The following MEOX2 variants were observed in gnomAD, a reference collection of about 807,000 sequenced individuals.
MEOX2 encodes the protein mesenchyme homeobox 2.
A neutral mutation model predicts 27.0 loss-of-function variants in MEOX2; 11 were observed. The observed-to-expected ratio is 0.41, with a 90% CI of 0.26 to 0.68. The LOEUF (loss-of-function observed/expected upper bound fraction) is 0.68. MEOX2 is among the 30% of genes least tolerant of loss of function. The pLI is 0.33. For synonymous variants in MEOX2, 189 were observed against 155.4 expected (o/e 1.22, Z -1.61); for missense variants, 436 against 385.4 (o/e 1.13, Z -1.10).
Position 15,662,131 on chromosome 7 carries a change from G to A in MEOX2, c.517+23755C>T, listed in dbSNP as rs1365075239. Among the ~76,000 whole-genome samples, 7 of 131,318 alleles carry A rather than the reference G, an allele frequency of 5.3e-5. No homozygotes were observed. The Admixed American group carries it at 6.5e-4, about 12-fold the overall frequency. 86.1% of individuals were successfully genotyped at this position (131,318 alleles called of 152,430 possible). On this transcript the variant is annotated intron_variant, in intron 1 of 2. Coordinates refer to ENST00000262041, the MANE Select transcript of MEOX2 (RefSeq NM_005924.5). ...TACTGGTGTTGACTAGGAAAATCTC[G>A]AACAGAAAATTAGCACTACTACTGC...
At chr7:15,682,748 C>T (rs1782313459) in intron 1 of MEOX2, among the ~76,000 whole-genome samples, 1 of 151,798 alleles carries the variant, frequency 6.6e-6, no homozygotes, top group Non-Finnish European at 1.5e-5. Flanking sequence ...CCAAGCAATT[C>T]ACACTATTTA....
At chr7:15,631,932 G>GTGTGTGTGTGTGTGT (rs371386224) in intron 1 of MEOX2, among the ~76,000 whole-genome samples, 13 of 149,940 alleles carry the variant, frequency 8.7e-5, no homozygotes, top group South Asian at 2.1e-4. Flanking sequence ...GTGTGTGTGT[G>GTGTGTGTGTGTGTGT]GAGAGAAAGA....
chr7:15,663,736 T>C (rs933610938), intron 1 of MEOX2, among the ~76,000 whole-genome samples: 42 of 152,100 alleles, frequency 2.8e-4, no homozygotes, highest in African/African-American at 9.4e-4. Context: ...CTATTATAAA[T>C]TAAATTAAAC....
At chr7:15,615,505 A>T (rs1159413973) in intron 2 of MEOX2, among the ~76,000 whole-genome samples, 3 of 152,036 alleles carry the variant, frequency 2.0e-5, no homozygotes, top group Non-Finnish European at 4.4e-5. Context: ...CACTTGATAT[A>T]ATTAGGTTTG....
chr7:15,623,509 A>G (rs868145699), intron 2 of MEOX2, among the ~76,000 whole-genome samples: 3 of 152,100 alleles, frequency 2.0e-5, no homozygotes, highest in Non-Finnish European at 4.4e-5. Flanking sequence ...ACCTAGGATT[A>G]TAGGTGCCTG....
chr7:15,646,525 A>G (rs1026640931), intron 1 of MEOX2, among the ~76,000 whole-genome samples: 1 of 151,936 alleles, frequency 6.6e-6, no homozygotes, highest in East Asian at 1.9e-4. Flanking sequence ...TGATATTAAA[A>G]CTCTGGGTTA....
intron 1 of MEOX2, among the ~76,000 whole-genome samples, chr7:15,628,134 A>T (rs914865027): frequency 1.3e-5 from 2 of 152,070 alleles, no homozygotes; most frequent in African/African-American, 4.8e-5. Flanking sequence ...TGGCTTATGC[A>T]GGATCTTTTT....
intron 1 of MEOX2, among the ~76,000 whole-genome samples, chr7:15,664,157 C>T (rs917494838): frequency 6.6e-6 from 1 of 152,162 alleles, no homozygotes; most frequent in Admixed American, 6.5e-5. Flanking sequence ...GAGGGATTTA[C>T]TCTGCTATTG....
intron 1 of MEOX2, among the ~76,000 whole-genome samples, chr7:15,685,365 A>C (rs997048074): frequency 5.9e-5 from 9 of 152,058 alleles, no homozygotes; most frequent in African/African-American, 2.2e-4. Context: ...AAAAAAAAAA[A>C]CTGAAACTTT....
At chr7:15,661,813 C>T (rs1004887095) in intron 1 of MEOX2, among the ~76,000 whole-genome samples, 1 of 152,132 alleles carries the variant, frequency 6.6e-6, no homozygotes, top group African/African-American at 2.4e-5. Flanking sequence ...TACCACTCTA[C>T]CTGCTTAAGC....
At chr7:15,667,297 A>AAAAAAAAAAAAAAAG in intron 1 of MEOX2, among the ~76,000 whole-genome samples, 1 of 144,836 alleles carries the variant, frequency 6.9e-6, no homozygotes, top group South Asian at 2.2e-4. Flanking sequence ...CTCAAAAAAA[A>AAAAAAAAAAAAAAAG]AAAAAAAAAA....
At chr7:15,670,082 T>G (rs1230618181) in intron 1 of MEOX2, among the ~76,000 whole-genome samples, 1 of 152,256 alleles carries the variant, frequency 6.6e-6, no homozygotes, top group Non-Finnish European at 1.5e-5. Flanking sequence ...TCTACTTTTT[T>G]TCTTACATTA....
intron 1 of MEOX2, among the ~76,000 whole-genome samples, chr7:15,650,171 C>A (rs62439050): frequency 7.9e-5 from 12 of 152,132 alleles, no homozygotes; most frequent in African/African-American, 2.9e-4. Context: ...GAGTTAAATT[C>A]CTCTTCACAA....
chr7:15,648,676 T>C (rs1332261330), intron 1 of MEOX2, among the ~76,000 whole-genome samples: 1 of 151,894 alleles, frequency 6.6e-6, no homozygotes, highest in African/African-American at 2.4e-5. Flanking sequence ...AACTGAAGAG[T>C]TACTGCCAGA....
chr7:15,620,160 C>A (rs1000546717), intron 2 of MEOX2, among the ~76,000 whole-genome samples: 5 of 151,970 alleles, frequency 3.3e-5, no homozygotes, highest in Non-Finnish European at 7.4e-5. Flanking sequence ...CCCATTTTAC[C>A]AGTTGTAGTC....
chr7:15,683,296 A>G (rs1269216356), intron 1 of MEOX2, among the ~76,000 whole-genome samples: 1 of 152,032 alleles, frequency 6.6e-6, no homozygotes, highest in African/African-American at 2.4e-5. Flanking sequence ...CCCTGGATTT[A>G]TGTACTGAAT....
intron 1 of MEOX2, among the ~76,000 whole-genome samples, chr7:15,635,826 C>G (rs538777176): frequency 6.6e-6 from 1 of 151,876 alleles, no homozygotes; most frequent in Admixed American, 6.6e-5. Context: ...AATGTACAAA[C>G]GAAGCTGAAA....
chr7:15,652,601 T>C (rs546608671), intron 1 of MEOX2, among the ~76,000 whole-genome samples: 1 of 152,202 alleles, frequency 6.6e-6, no homozygotes, highest in South Asian at 2.1e-4. Flanking sequence ...GCCACTATCT[T>C]TTTAATTAGG....
intron 1 of MEOX2, among the ~76,000 whole-genome samples, chr7:15,650,740 G>A (rs920739300): frequency 3.3e-5 from 5 of 151,854 alleles, no homozygotes; most frequent in Non-Finnish European, 7.4e-5. Context: ...TTAAAATTTT[G>A]AATTATAAAA....
Sources: gnomAD v4.1 joint callset for allele counts (sites outside exome capture counted in the v4.1 genomes callset) on GRCh38, gnomAD v4.1.1 for gene constraint, MANE v1.5 for transcripts, NCBI Gene and HGNC (gene_info 2026-07-23, HGNC 2026-07-21) for gene names.